The following PDZRN4 variants were observed in gnomAD, a reference collection of about 807,000 sequenced individuals.
PDZRN4 encodes PDZ domain-containing RING finger protein 4.
Under a neutral mutation model 99.0 loss-of-function variants are expected in PDZRN4, and 70 were observed. The ratio of observed to expected loss-of-function variants is 0.71; its 90% confidence interval spans 0.58 to 0.86. PDZRN4 has a LOEUF of 0.86. PDZRN4 is among the 40% of genes least tolerant of loss of function. PDZRN4 has a pLI of 0.00. For synonymous variants in PDZRN4, 551 were observed against 501.6 expected (o/e 1.10, Z -1.32); for missense variants, 1,474 against 1,331.2 (o/e 1.11, Z -1.67).
intron 3 of PDZRN4, among the ~76,000 whole-genome samples, chr12:41,346,323 G>A (rs932638097): frequency 2.6e-5 from 4 of 151,978 alleles, no homozygotes; most frequent in Non-Finnish European, 5.9e-5. Context: ...TTAGCTGGGT[G>A]CGGTGGCGGG....
chr12:41,389,493 T>G (rs1952194408), intron 3 of PDZRN4, among the ~76,000 whole-genome samples: 1 of 152,144 alleles, frequency 6.6e-6, no homozygotes, highest in South Asian at 2.1e-4. Flanking sequence ...AAATCCATAT[T>G]TACTTGTTCC....
chr12:41,217,797 C>T (rs545056033), intron 3 of PDZRN4, among the ~76,000 whole-genome samples: 11 of 152,170 alleles, frequency 7.2e-5, no homozygotes, highest in Non-Finnish European at 1.5e-4. Context: ...ATAGACAAGG[C>T]TACATTTTGG....
chr12:41,189,658 T>A (rs538302153), intron 1 of PDZRN4, among the ~76,000 whole-genome samples: 5 of 152,292 alleles, frequency 3.3e-5, no homozygotes. Context: ...GTGAGGCACG[T>A]TGGGGCCAGG....
chr12:41,258,066 C>T (rs1345439363), intron 3 of PDZRN4, among the ~76,000 whole-genome samples: 1 of 152,066 alleles, frequency 6.6e-6, no homozygotes, highest in African/African-American at 2.4e-5. Context: ...GTGATAGGGG[C>T]TGGATTTAGA....
At chr12:41,230,829 A>G (rs1276293169) in intron 3 of PDZRN4, among the ~76,000 whole-genome samples, 3 of 152,142 alleles carry the variant, frequency 2.0e-5, no homozygotes, top group African/African-American at 7.2e-5. Context: ...TATTTGTAAT[A>G]GTCACATGCA....
At chr12:41,342,265 G>A (rs942701000) in intron 3 of PDZRN4, among the ~76,000 whole-genome samples, 1 of 151,760 alleles carries the variant, frequency 6.6e-6, no homozygotes, top group African/African-American at 2.4e-5. Context: ...TAGCATAAGG[G>A]AAATGCTTTA....
chr12:41,262,627 T>C (rs1951248338), intron 3 of PDZRN4, among the ~76,000 whole-genome samples: 1 of 152,200 alleles, frequency 6.6e-6, no homozygotes, highest in Admixed American at 6.5e-5. Flanking sequence ...TGAAGGAAGA[T>C]TGGATTTTGA....
At chr12:41,564,646 C>T (rs1939332773) in intron 8 of PDZRN4, among the ~76,000 whole-genome samples, 3 of 151,992 alleles carry the variant, frequency 2.0e-5, no homozygotes. Context: ...ATGCCCTTGC[C>T]CATTCTAAAT....
At chr12:41,248,174 T>C (rs963887502) in intron 3 of PDZRN4, among the ~76,000 whole-genome samples, 6 of 152,190 alleles carry the variant, frequency 3.9e-5, no homozygotes, top group African/African-American at 1.4e-4. Context: ...ATTCAGCAAA[T>C]AATAGTGTGT....
intron 3 of PDZRN4, among the ~76,000 whole-genome samples, chr12:41,484,811 G>A (rs1271231098): frequency 6.6e-6 from 1 of 152,064 alleles, no homozygotes; most frequent in Non-Finnish European, 1.5e-5. Context: ...GTCTTTGTGG[G>A]CATGTTGACG....
intron 3 of PDZRN4, among the ~76,000 whole-genome samples, chr12:41,307,928 C>T (rs1316169631): frequency 6.6e-6 from 1 of 151,894 alleles, no homozygotes; most frequent in African/African-American, 2.4e-5. Flanking sequence ...AACAAAAAAA[C>T]AACAACTTTA....
chr12:41,377,756 T>A (rs1180594859), intron 3 of PDZRN4, among the ~76,000 whole-genome samples: 1 of 152,174 alleles, frequency 6.6e-6, no homozygotes, highest in African/African-American at 2.4e-5. Flanking sequence ...CTATTGTAAA[T>A]GGTATTTTCT....
intron 3 of PDZRN4, among the ~76,000 whole-genome samples, chr12:41,379,235 T>C (rs1429509409): frequency 1.4e-5 from 2 of 146,628 alleles, no homozygotes; most frequent in African/African-American, 5.0e-5. Context: ...ATTTGAGTCT[T>C]CTGTCTCTAT....
At chr12:41,504,041 C>T (rs562128117) in intron 3 of PDZRN4, among the ~76,000 whole-genome samples, 3 of 151,954 alleles carry the variant, frequency 2.0e-5, no homozygotes, top group Non-Finnish European at 2.9e-5. Flanking sequence ...GAGGCTGAGG[C>T]GGGTAGATCA....
intron 3 of PDZRN4, among the ~76,000 whole-genome samples, chr12:41,201,072 G>A (rs752802508): frequency 6.6e-6 from 1 of 151,336 alleles, no homozygotes; most frequent in Non-Finnish European, 1.5e-5. Flanking sequence ...TTGCTTAGGG[G>A]CCTTTATTGG....
chr12:41,276,797 C>T (rs1951352506), intron 3 of PDZRN4, among the ~76,000 whole-genome samples: 1 of 152,142 alleles, frequency 6.6e-6, no homozygotes, highest in Non-Finnish European at 1.5e-5. Flanking sequence ...AAGTGCCAGG[C>T]AGGAATGTTA....
At chr12:41,504,283 AAAAT>A (rs143362797) in intron 3 of PDZRN4, among the ~76,000 whole-genome samples, 5,339 of 152,124 alleles carry the variant, frequency 0.035, 312 homozygotes, top group African/African-American at 0.12. Context: ...ATAAAAAATA[AAAAT>A]AAATAAATAA....
intron 5 of PDZRN4, among the ~76,000 whole-genome samples, chr12:41,521,225 A>G (rs888580248): frequency 5.3e-5 from 8 of 152,090 alleles, no homozygotes; most frequent in African/African-American, 1.4e-4. Context: ...TAGTAGCAAA[A>G]TGTTAGAAGT....
At chr12:41,513,868 A>G (rs947021935) in intron 5 of PDZRN4, among the ~76,000 whole-genome samples, 30 of 152,144 alleles carry the variant, frequency 2.0e-4, no homozygotes, top group Admixed American at 4.6e-4. Flanking sequence ...GTCAATGCTA[A>G]TGCTGATAGA....
Sources: allele counts gnomAD v4.1 joint callset (sites outside exome capture counted in the v4.1 genomes callset), GRCh38; gene constraint gnomAD v4.1.1; transcripts MANE v1.5; gene names NCBI Gene and HGNC (gene_info 2026-07-23, HGNC 2026-07-21).